LRRC4C: variants seen among roughly 807,000 people sequenced by gnomAD.
The protein encoded by LRRC4C is leucine-rich repeat-containing protein 4C.
In LRRC4C, 5 loss-of-function variants were observed where a neutral mutation model predicts 33.6. That is an observed-to-expected ratio of 0.15 (90% confidence interval 0.08 to 0.31). The LOEUF is 0.31. LRRC4C is among the 10% of genes least tolerant of loss of function. LRRC4C has a pLI of 1.00. For missense variants in LRRC4C, 560 were observed against 796.7 expected (o/e 0.70, Z 3.58); for synonymous variants, 329 against 302.0 (o/e 1.09, Z -0.93).
At chr11:41,423,419 A>G (rs998565280) in intron 1 of LRRC4C, among the ~76,000 whole-genome samples, 1 of 152,086 alleles carries the variant, frequency 6.6e-6, no homozygotes, top group Non-Finnish European at 1.5e-5. Context: ...ACAAAACCAT[A>G]TCTAAAAGTA....
At chr11:41,085,209 T>A (rs1442859001) in intron 1 of LRRC4C, among the ~76,000 whole-genome samples, 1 of 152,152 alleles carries the variant, frequency 6.6e-6, no homozygotes, top group Non-Finnish European at 1.5e-5. Context: ...GAATGACAAA[T>A]CCACTCTTAA....
At chr11:40,933,389 A>G (rs1286416801) in intron 2 of LRRC4C, among the ~76,000 whole-genome samples, 1 of 152,228 alleles carries the variant, frequency 6.6e-6, no homozygotes, top group African/African-American at 2.4e-5. Context: ...GACCATATTA[A>G]TTTACAAACA....
chr11:40,286,839 T>G (rs781094953), intron 4 of LRRC4C, among the ~76,000 whole-genome samples: 1 of 152,150 alleles, frequency 6.6e-6, no homozygotes, highest in Non-Finnish European at 1.5e-5. Flanking sequence ...ATCCAAGGTT[T>G]GTCTATTCCA....
At chr11:41,303,848 T>A in intron 1 of LRRC4C, among the ~76,000 whole-genome samples, 1 of 13,958 alleles carries the variant, frequency 7.2e-5, no homozygotes. Flanking sequence ...ACCCTCTGCC[T>A]GGCAATCACC....
chr11:40,607,616 C>T (rs990274000), intron 3 of LRRC4C, among the ~76,000 whole-genome samples: 1 of 152,128 alleles, frequency 6.6e-6, no homozygotes, highest in Non-Finnish European at 1.5e-5. Context: ...ACTCCATCTC[C>T]CTTTTGGCTC....
rs56879078 is a variant in LRRC4C, at chr11:40,936,014, TTATATATATATATATATATATA to T, written c.-495-2313_-495-2292del. ...AAAACTACTAAAAAGATGCCAAATT[TTATATATATATATATATATATA>T]TATATATATATATATATATATATAT... On this transcript the variant is annotated intron_variant, in intron 1 of 6. Coordinates refer to ENST00000528697, the MANE Select transcript of LRRC4C (RefSeq NM_001258419.2). 1.9e-3 allele frequency among the ~76,000 whole-genome samples: 94 copies of T among 49,310 alleles called. 1 individual carries two copies. Among genetic ancestry groups the T allele is most frequent in the South Asian group, 0.013 (18 of 1,354 alleles). 32.3% of individuals were successfully genotyped at this position (49,310 alleles called of 152,430 possible). A position where few individuals can be genotyped will look rare whatever the true frequency, so the allele number is the denominator to read the frequency against.
intron 1 of LRRC4C, among the ~76,000 whole-genome samples, chr11:41,122,744 A>C (rs983762439): frequency 6.6e-6 from 1 of 152,072 alleles, no homozygotes; most frequent in Non-Finnish European, 1.5e-5. Context: ...GTGTATCATC[A>C]TACTCTAGAC....
rs192799833 is a variant in LRRC4C, at chr11:40,333,148, T to C, written c.-269-13427A>G. Reference sequence around the variant, plus strand: ...CCACCAAAAATATCTCACTTTCAATTTTTTTTTGAACTCCTCCTCTTGCTA... The same window carrying C: ...CCACCAAAAATATCTCACTTTCAATCTTTTTTTGAACTCCTCCTCTTGCTA... On this transcript the variant is annotated intron_variant, in intron 3 of 6. Coordinates refer to ENST00000528697, the MANE Select transcript of LRRC4C (RefSeq NM_001258419.2). Among the ~76,000 whole-genome samples the C allele has an allele frequency of 2.9e-3, 439 of 151,984 alleles. 3 individuals carry two copies. The highest frequency in any genetic ancestry group is 0.01 in the African/African-American group (416 of 41,512).
At chr11:40,968,946 T>C (rs2136963228) in intron 1 of LRRC4C, among the ~76,000 whole-genome samples, 1 of 152,192 alleles carries the variant, frequency 6.6e-6, no homozygotes, top group East Asian at 1.9e-4. Context: ...AAGAAACACA[T>C]TGTATAGGAA....
intron 2 of LRRC4C, among the ~76,000 whole-genome samples, chr11:40,759,629 A>C (rs1365561855): frequency 6.6e-6 from 1 of 151,990 alleles, no homozygotes; most frequent in East Asian, 1.9e-4. Context: ...CTAGCCTATT[A>C]CACCAGTAAT....
intron 2 of LRRC4C, among the ~76,000 whole-genome samples, chr11:40,690,627 C>T (rs1308637740): frequency 1.3e-5 from 2 of 152,034 alleles, no homozygotes; most frequent in Non-Finnish European, 2.9e-5. Flanking sequence ...CCATAGACTA[C>T]TTTTCAGTTT....
At chr11:40,489,513 T>C (rs538901899) in intron 3 of LRRC4C, among the ~76,000 whole-genome samples, 1 of 152,212 alleles carries the variant, frequency 6.6e-6, no homozygotes, top group East Asian at 1.9e-4. Flanking sequence ...TGCCAGGTTG[T>C]CATTATTTAT....
chr11:41,455,248 C>T (rs1564964012), intron 1 of LRRC4C, among the ~76,000 whole-genome samples: 1 of 151,956 alleles, frequency 6.6e-6, no homozygotes, highest in Admixed American at 6.6e-5. Flanking sequence ...AATCAACAGC[C>T]TCATTGTGGA....
intron 1 of LRRC4C, among the ~76,000 whole-genome samples, chr11:41,318,674 C>T (rs899308634): frequency 6.6e-6 from 1 of 152,120 alleles, no homozygotes; most frequent in African/African-American, 2.4e-5. Context: ...AACTTTCTCC[C>T]TTTGGCTTTT....
rs200733412 is a variant in LRRC4C, at chr11:40,365,109, G to GAA, written c.-269-45390_-269-45389dup. Among the ~76,000 whole-genome samples the GAA allele has an allele frequency of 6.7e-4, 92 of 136,672 alleles. 1 individual carries two copies. The highest frequency in any genetic ancestry group is 3.8e-3 in the Middle Eastern group (1 of 266). 89.7% of individuals were successfully genotyped at this position (136,672 alleles called of 152,430 possible). ...ACCAGTAGAAAACTGGATCCACAAAGAAAAAAAAAAAAGAAATATATAGGG... is the reference window on the plus strand; with the variant it reads ...ACCAGTAGAAAACTGGATCCACAAAGAAAAAAAAAAAAAAGAAATATATAGGG... On this transcript the variant is annotated intron_variant, in intron 3 of 6. Coordinates refer to ENST00000528697, the MANE Select transcript of LRRC4C (RefSeq NM_001258419.2).
intron 2 of LRRC4C, among the ~76,000 whole-genome samples, chr11:40,722,432 T>G (rs940981342): frequency 1.3e-4 from 20 of 152,132 alleles, no homozygotes; most frequent in African/African-American, 4.6e-4. Context: ...AAAACTACAC[T>G]GCTTCAAAAT....
intron 1 of LRRC4C, among the ~76,000 whole-genome samples, chr11:41,004,262 C>T (rs115187470): frequency 0.015 from 2,234 of 152,262 alleles, 56 homozygotes; most frequent in African/African-American, 0.051. Flanking sequence ...TTACAAGCAT[C>T]AAATTTAATG....
chr11:41,317,550 C>T (rs900950080), intron 1 of LRRC4C, among the ~76,000 whole-genome samples: 1 of 152,088 alleles, frequency 6.6e-6, no homozygotes, highest in African/African-American at 2.4e-5. Context: ...ACATAACCTT[C>T]ATTAGAACTT....
At chr11:40,340,277 A>G (rs921608188) in intron 3 of LRRC4C, among the ~76,000 whole-genome samples, 1 of 152,196 alleles carries the variant, frequency 6.6e-6, no homozygotes, top group Non-Finnish European at 1.5e-5. Flanking sequence ...GGTCAGAAAC[A>G]TGAGAAGTTC....
Sources: gnomAD v4.1 joint callset for allele counts (sites outside exome capture counted in the v4.1 genomes callset) on GRCh38, gnomAD v4.1.1 for gene constraint, MANE v1.5 for transcripts, NCBI Gene and HGNC (gene_info 2026-07-23, HGNC 2026-07-21) for gene names.